ZNF461: variants seen among roughly 807,000 people sequenced by gnomAD.
ZNF461 encodes the protein zinc finger protein 461.
A neutral mutation model predicts 18.3 loss-of-function variants in ZNF461; 16 were observed. The observed-to-expected ratio is 0.88, with a 90% CI of 0.59 to 1.33. The LOEUF (loss-of-function observed/expected upper bound fraction) is 1.33. ZNF461 is among the 40% of genes most tolerant of loss of function. ZNF461 has a pLI of 0.00. For synonymous variants in ZNF461, 179 were observed against 216.9 expected, an observed-to-expected ratio of 0.83 and a Z score of 1.54; for missense variants, 595 against 669.9, an observed-to-expected ratio of 0.89 and a Z score of 1.23.
chr19:36,640,179 A>T, intron 5 of ZNF461, 136 bp from the exon 6 acceptor site: 1 of 704,054 alleles, frequency 1.4e-6, no homozygotes. Context: ...AAATGGGTAA[A>T]GGAGCACAGG....
rs772549665 is a variant in ZNF461 at position 36,656,547 on chromosome 19, G to C, written c.137-4C>G. 3 of 1,611,032 alleles carry C rather than the reference G, an allele frequency of 1.9e-6. No individual in the cohort carries two copies. The African/African-American group carries it at 4.0e-5, about 22-fold the overall frequency. ...GCTGGCTTAGAAACAGAAAGTCCTA[G>C]TTATAAGAAAAGAAATTGAGATGAG... On this transcript the variant is annotated splice_region_variant and splice_polypyrimidine_tract_variant and intron_variant, in intron 3 of 5. Coordinates refer to ENST00000588268, the MANE Select transcript of ZNF461 (RefSeq NM_153257.5).
intron 5 of ZNF461, among the ~76,000 whole-genome samples, chr19:36,641,966 CGA>C (rs1318263263): frequency 6.6e-6 from 1 of 152,046 alleles, no homozygotes; most frequent in Non-Finnish European, 1.5e-5. Context: ...GTCACCCAGG[CGA>C]GAGTGAGCGC....
intron 4 of ZNF461, among the ~76,000 whole-genome samples, chr19:36,648,931 C>T (rs1452604710): frequency 6.6e-6 from 1 of 152,106 alleles, no homozygotes; most frequent in African/African-American, 2.4e-5. Flanking sequence ...TTTTGAACAT[C>T]TCTTCATGTG....
intron 2 of ZNF461, 65 bp from the exon 3 acceptor site, chr19:36,658,490 A>C: frequency 6.7e-7 from 1 of 1,483,486 alleles, no homozygotes; most frequent in Middle Eastern, 1.7e-4. Context: ...AGAAAAGAGA[A>C]GTGCTAAAAG....
Position 36,639,197 on chromosome 19 carries a change from T to G in ZNF461, c.1148A>C (p.Lys383Thr), listed in dbSNP as rs766037620. ...CCCACATTCCCGACATTCATAGGGT[T>G]TCTCACCAGTATGAATTCTCTGATG... ...TIHQRIHTGE[K>T]PYECRECGKA... The change falls in exon 6 of 6, where the codon AAA becomes ACA. Residue 383 changes from lysine (K) to threonine (T), a missense_variant. Lys to Thr is a moderately conservative substitution (Grantham distance 78, BLOSUM62 -1). Coordinates refer to ENST00000588268, the MANE Select transcript of ZNF461 (RefSeq NM_153257.5). 6 of 1,614,172 alleles carry G rather than the reference T, an allele frequency of 3.7e-6. No individual in the cohort carries two copies. The highest frequency in any genetic ancestry group is 5.1e-6 in the Non-Finnish European group (6 of 1,180,024).
At chr19:36,660,722 A>G (rs751813432) in intron 2 of ZNF461, among the ~76,000 whole-genome samples, 1 of 151,982 alleles carries the variant, frequency 6.6e-6, no homozygotes, top group Non-Finnish European at 1.5e-5. Context: ...AGACAAACAA[A>G]AGCTGAAAGA....
At chr19:36,642,204 T>C (rs2037437955) in intron 5 of ZNF461, among the ~76,000 whole-genome samples, 1 of 152,132 alleles carries the variant, frequency 6.6e-6, no homozygotes, top group Admixed American at 6.5e-5. Flanking sequence ...AGTGCTGAGA[T>C]TATAGGCACG....
chr19:36,638,907 G>T lies in ZNF461; in HGVS notation c.1438C>A (p.Leu480Ile), dbSNP rs375074131. The T allele has an allele frequency of 6.2e-7, 1 of 1,606,444 alleles. No homozygotes were observed. Among genetic ancestry groups the T allele is most frequent in the African/African-American group, 1.3e-5 (1 of 74,638 alleles). The change falls in exon 6 of 6, where the codon CTT becomes ATT. Residue 480 changes from leucine to isoleucine, a missense_variant. Coordinates refer to ENST00000588268, the MANE Select transcript of ZNF461 (RefSeq NM_153257.5). The part of the protein sequence containing the change: ...ECMICGKAFR[L>I]HSHLIQHQRI... ...TGATGTTGAATAAGGTGTGAATGAA[G>T]TCTAAAGGCCTTACCACATATCATG...
intron 5 of ZNF461, among the ~76,000 whole-genome samples, chr19:36,642,366 G>A (rs1471886005): frequency 3.3e-5 from 5 of 152,178 alleles, no homozygotes; most frequent in East Asian, 1.9e-4. Context: ...CCCACATGTC[G>A]GGTACCAGGC....
chr19:36,658,513 G>A lies in ZNF461; in HGVS notation c.10-88C>T, dbSNP rs2037764655. On this transcript the variant is annotated intron_variant, in intron 2 of 5. Coordinates refer to ENST00000588268, the MANE Select transcript of ZNF461 (RefSeq NM_153257.5). ...GAAGTGCTAAAAGAAGGTACTGCAA[G>A]GAAGGAGACAGTCTACTGAATATAT... 5 of 1,325,118 alleles carry A rather than the reference G, an allele frequency of 3.8e-6. No individual in the cohort carries two copies. The Admixed American group carries it at 9.4e-5, about 25-fold the overall frequency. The allele number at this position is 1,325,118 out of a possible 1,614,324, so 82.1% of individuals were successfully genotyped here.
chr19:36,639,289 A>G lies in ZNF461; in HGVS notation c.1056T>C (p.Thr352=), dbSNP rs2037369259. The change falls in exon 6 of 6, where the codon ACT becomes ACC. Residue 352 remains threonine, a synonymous_variant. Transcript: ENST00000588268. ...FQLTEHLRLH[T]GEKPYECKEC... is the part of the protein sequence containing the mutation. The stretch of plus-strand genomic sequence containing the variant: ...CTTTACATTCATAAGGTTTCTCTCC[A>G]GTATGGAGTCGCAGGTGTTCAGTAA... 3.7e-6 allele frequency: 6 copies of G among 1,614,124 alleles called. No homozygotes were observed. The highest frequency in any genetic ancestry group is 5.1e-6 in the Non-Finnish European group (6 of 1,180,018).
Position 36,639,458 on chromosome 19 carries a change from G to C in ZNF461, c.887C>G (p.Thr296Ser), listed in dbSNP as rs746790248. The C allele has an allele frequency of 9.3e-6, 15 of 1,613,856 alleles. No individual in the cohort carries two copies. In the South Asian group the frequency reaches 1.3e-4, roughly 14 times the overall value. Residue 296 changes from threonine (T) to serine (S), a missense_variant, in exon 6 of 6, where the codon ACT (threonine) becomes AGT (serine). Coordinates refer to ENST00000588268, the MANE Select transcript of ZNF461 (RefSeq NM_153257.5). ...SELTLHQRIH[T>S]GEKPYECKEC... ...TTTACATTCATAAGGTTTCTCACCA[G>C]TGTGAATTCTTTGATGTAGAGTAAG...
intron 2 of ZNF461, among the ~76,000 whole-genome samples, chr19:36,659,326 A>G (rs975946882): frequency 4.6e-5 from 7 of 152,206 alleles, no homozygotes; most frequent in Non-Finnish European, 1.0e-4. Flanking sequence ...CAGATTGTGG[A>G]TTTGCAAGCC....
chr19:36,642,767 G>A (rs1027355062), intron 5 of ZNF461, among the ~76,000 whole-genome samples: 1 of 150,160 alleles, frequency 6.7e-6, no homozygotes, highest in African/African-American at 2.5e-5. Flanking sequence ...TGGTGGGGGG[G>A]GGTGGGGCAC....
At chr19:36,658,216 G>A in intron 3 of ZNF461, 83 bp downstream of exon 3, 20 of 1,427,834 alleles carry the variant, frequency 1.4e-5, no homozygotes, top group Non-Finnish European at 1.6e-5. Context: ...TAATAGGGGG[G>A]AAAGCAGAAA....
intron 2 of ZNF461, among the ~76,000 whole-genome samples, chr19:36,663,764 C>T (rs1456874063): frequency 6.6e-6 from 1 of 151,896 alleles, no homozygotes; most frequent in Non-Finnish European, 1.5e-5. Flanking sequence ...TCCCAGACTC[C>T]AGCGATTCTC....
At chr19:36,664,330 G>A (rs1011966941) in intron 2 of ZNF461, among the ~76,000 whole-genome samples, 1 of 152,166 alleles carries the variant, frequency 6.6e-6, no homozygotes, top group African/African-American at 2.4e-5. Flanking sequence ...GCTCATGCCT[G>A]TAATCCCAGC....
intron 5 of ZNF461, 169 bp from the exon 6 acceptor site, chr19:36,640,212 G>A (rs142616744): frequency 4.6e-4 from 247 of 536,610 alleles, no homozygotes; most frequent in Admixed American, 9.0e-4. Flanking sequence ...CTCAAATGAA[G>A]TAGTTAATTA....
At chr19:36,659,606 C>A (rs1459056949) in intron 2 of ZNF461, among the ~76,000 whole-genome samples, 1 of 152,124 alleles carries the variant, frequency 6.6e-6, no homozygotes, top group African/African-American at 2.4e-5. Context: ...TTTAATAATT[C>A]TCTTAAACTT....
Sources: allele counts gnomAD v4.1 joint callset (sites outside exome capture counted in the v4.1 genomes callset), GRCh38; gene constraint gnomAD v4.1.1; transcripts MANE v1.5; gene names NCBI Gene and HGNC (gene_info 2026-07-23, HGNC 2026-07-21).